The following KMT5A variants were observed in gnomAD, a reference collection of about 807,000 sequenced individuals.
KMT5A encodes lysine methyltransferase 5A, also known as N-lysine methyltransferase KMT5A.
A neutral mutation model predicts 40.6 loss-of-function variants in KMT5A; 6 were observed. The observed-to-expected ratio is 0.15, with a 90% CI of 0.08 to 0.29. The LOEUF is 0.29. Ranked by LOEUF, KMT5A falls within the 10% of genes least tolerant of loss-of-function variation. KMT5A has a pLI of 1.00. For missense variants in KMT5A, 308 were observed against 459.1 expected (o/e 0.67, Z 3.01); for synonymous variants, 153 against 178.8 (o/e 0.86, Z 1.15).
In KMT5A at chr12:123,404,977, G is replaced by A; in HGVS notation, c.751G>A (p.Glu251Lys). ...GGTGGAATACCACGGGGACCTCATCGAGATCACCGACGCCAAGAAACGGGA... is the reference window on the plus strand; with the variant it reads ...GGTGGAATACCACGGGGACCTCATCAAGATCACCGACGCCAAGAAACGGGA... ...FVVEYHGDLIEITDAKKREAL... is the reference protein window; with the variant it reads ...FVVEYHGDLIKITDAKKREAL... Residue 251 changes from glutamate to lysine, a missense_variant, in exon 7 of 8, where the codon GAG becomes AAG. Glu to Lys is a moderately conservative substitution (Grantham distance 56). Around this residue, in one of 4 missense-constraint regions of KMT5A, gnomAD observed 77 missense variants for 220.0 expected, o/e 0.35. Coordinates refer to ENST00000402868, the MANE Select transcript of KMT5A (RefSeq NM_020382.7). 6.2e-7 allele frequency: 1 copy of A among 1,614,026 alleles called. No homozygotes were observed. The highest frequency in any genetic ancestry group is 8.5e-7 in the Non-Finnish European group (1 of 1,179,944).
At chr12:123,397,171 G>A (rs567467918) in intron 5 of KMT5A, among the ~76,000 whole-genome samples, 3 of 152,392 alleles carry the variant, frequency 2.0e-5, no homozygotes, top group East Asian at 1.9e-4. Flanking sequence ...GCGGGCCTCC[G>A]CTGCCATGTT....
chr12:123,391,740 T>G (rs1877333215), intron 3 of KMT5A, among the ~76,000 whole-genome samples: 1 of 152,208 alleles, frequency 6.6e-6, no homozygotes, highest in African/African-American at 2.4e-5. Context: ...CTCTTCTAAT[T>G]AAAACTTGTC....
intron 1 of KMT5A, chr12:123,388,459 G>T (rs894955697): frequency 1.3e-5 from 2 of 152,302 alleles, no homozygotes; most frequent in Non-Finnish European, 2.9e-5. Context: ...TACCGGTCAA[G>T]TACAGCCCTT....
intron 2 of KMT5A, 67 bp from the exon 3 acceptor site, chr12:123,390,563 C>T (rs532633882): frequency 5.5e-5 from 86 of 1,556,004 alleles, no homozygotes; most frequent in Middle Eastern, 2.3e-4. Flanking sequence ...TTGTATTCCT[C>T]CTCCTCGTGA....
At position 123,384,414 on chromosome 12, in the gene KMT5A, C is replaced by G. The variant is rs564436546; in HGVS notation, c.10+206C>G. On this transcript the variant is annotated intron_variant, in intron 1 of 7. Transcript: ENST00000402868. The surrounding 1 kb of genome is among the most constrained non-coding windows in gnomAD (Gnocchi z 5.7). ...TCCAGATGCCCCCAGAAACCCTTCC[C>G]ACTGCCGTGCTTCTGTTTCCCTTCT... Among the ~76,000 whole-genome samples the G allele has an allele frequency of 2.0e-5, 3 of 152,364 alleles. No homozygotes were observed. Among genetic ancestry groups the G allele is most frequent in the African/African-American group, 7.2e-5 (3 of 41,596 alleles).
chr12:123,395,386 A>G (rs1179724581), intron 4 of KMT5A, 120 bp downstream of exon 4: 5 of 999,010 alleles, frequency 5.0e-6, no homozygotes, highest in African/African-American at 4.9e-5. Flanking sequence ...TCTCATGTCA[A>G]AGACTCAGAT....
intron 1 of KMT5A, among the ~76,000 whole-genome samples, chr12:123,385,590 A>C (rs1566070295): frequency 1.3e-5 from 2 of 152,152 alleles, no homozygotes; most frequent in African/African-American, 4.8e-5. Flanking sequence ...GGTGGCTCAC[A>C]CCTGTAATCC....
rs1039080996 is a variant in KMT5A at position 123,404,946 on chromosome 12, C to T, written c.720C>T (p.Asp240=). ...CCACCAAGCAGTTCTCCCGGGGTGA[C>T]TTTGTGGTGGAATACCACGGGGACC... ...VIATKQFSRG[D]FVVEYHGDLI... The change falls in exon 7 of 8, where the codon GAC becomes GAT. Residue 240 remains aspartate, a synonymous_variant. Transcript: ENST00000402868. The T allele has an allele frequency of 6.2e-7, 1 of 1,613,746 alleles. No homozygotes were observed. Among genetic ancestry groups the T allele is most frequent in the African/African-American group, 1.3e-5 (1 of 74,912 alleles).
Position 123,408,072 on chromosome 12 carries a change from G to C in KMT5A, c.*369G>C, listed in dbSNP as rs547049791. 3 of 229,724 alleles carry C rather than the reference G, an allele frequency of 1.3e-5. No homozygotes were observed. Among genetic ancestry groups the C allele is most frequent in the Non-Finnish European group, 2.6e-5 (3 of 114,894 alleles). The allele number at this position is 229,724 out of a possible 1,614,324, so 14.2% of individuals were successfully genotyped here. ...TGAGTCTCCTTTCTCCAGTGGAAGA[G>C]CCGGGACCTTCCCCCTGCACCCCCG... On this transcript the variant is annotated 3_prime_UTR_variant, in exon 8 of 8. Coordinates refer to ENST00000402868, the MANE Select transcript of KMT5A (RefSeq NM_020382.7).
chr12:123,404,517 G>C (rs570939607), intron 6 of KMT5A, among the ~76,000 whole-genome samples: 1 of 152,334 alleles, frequency 6.6e-6, no homozygotes, highest in South Asian at 2.1e-4. Context: ...CTGTGTCACT[G>C]TCTAGCTGTG....
chr12:123,389,600 CG>C, intron 2 of KMT5A, 46 bp downstream of exon 2: 1 of 1,058,926 alleles, frequency 9.4e-7, no homozygotes, highest in Non-Finnish European at 1.1e-6. Flanking sequence ...CCCGCCGGGC[CG>C]GGGCCGCGAG....
At chr12:123,407,012 C>A (rs1417034197) in intron 7 of KMT5A, among the ~76,000 whole-genome samples, 1 of 118,182 alleles carries the variant, frequency 8.5e-6, no homozygotes, top group African/African-American at 3.2e-5. Flanking sequence ...CGACGAGACT[C>A]CCTCTCAAAA....
intron 5 of KMT5A, among the ~76,000 whole-genome samples, chr12:123,401,144 C>CTTTTTTT (rs58431238): frequency 2.4e-3 from 185 of 75,652 alleles, no homozygotes; most frequent in Admixed American, 3.2e-3. Context: ...ATATATCTTT[C>CTTTTTTT]TTTTTTTTTT....
At chr12:123,387,013 C>T (rs745748739) in intron 1 of KMT5A, among the ~76,000 whole-genome samples, 14 of 152,114 alleles carry the variant, frequency 9.2e-5, no homozygotes, top group Non-Finnish European at 1.6e-4. Flanking sequence ...TGCGCAACCA[C>T]GCCAAGCTAA....
Position 123,407,515 on chromosome 12 carries a change from A to G in KMT5A, c.871A>G (p.Asn291Asp). 4 of 1,613,920 alleles carry G rather than the reference A, an allele frequency of 2.5e-6. No individual in the cohort carries two copies. The highest frequency in any genetic ancestry group is 3.4e-6 in the Non-Finnish European group (4 of 1,179,858). ...TYCVDATRET[N>D]RLGRLINHSK... ...CAGCGTGGATGCAACTAGAGAGACA[A>G]ATCGCCTAGGAAGACTGATCAATCA... The change falls in exon 8 of 8, where the codon AAT becomes GAT. Residue 291 changes from asparagine (N) to aspartate (D), a missense_variant. Coordinates refer to ENST00000402868, the MANE Select transcript of KMT5A (RefSeq NM_020382.7).
intron 6 of KMT5A, 94 bp downstream of exon 6, chr12:123,403,726 C>A (rs2139201924): frequency 1.4e-6 from 2 of 1,419,430 alleles, no homozygotes; most frequent in Non-Finnish European, 2.0e-6. Flanking sequence ...ATGTGGCTTT[C>A]ACCCTCTAAT....
intron 5 of KMT5A, among the ~76,000 whole-genome samples, chr12:123,397,917 C>T (rs1364364195): frequency 6.6e-6 from 1 of 151,400 alleles, no homozygotes; most frequent in Non-Finnish European, 1.5e-5. Flanking sequence ...GGGTGATCCG[C>T]CCACCTCAGC....
chr12:123,390,161 G>C (rs1372878736), intron 2 of KMT5A: 1 of 464,594 alleles, frequency 2.2e-6, no homozygotes. Flanking sequence ...GTCAGGCTCC[G>C]GCGCTCATGG....
chr12:123,385,667 C>T (rs938401896), intron 1 of KMT5A, among the ~76,000 whole-genome samples: 6 of 152,140 alleles, frequency 3.9e-5, no homozygotes, highest in African/African-American at 1.4e-4. Flanking sequence ...GTCTGACCAA[C>T]ATGGAGAAAT....
Sources: allele counts gnomAD v4.1 joint callset (sites outside exome capture counted in the v4.1 genomes callset), GRCh38; gene constraint gnomAD v4.1.1; regional missense constraint gnomAD v4.1.1; non-coding constraint Gnocchi (gnomAD v3.1); transcripts MANE v1.5; gene names NCBI Gene and HGNC (gene_info 2026-07-23, HGNC 2026-07-21).